The following SLC25A48 variants were observed in gnomAD, a reference collection of about 807,000 sequenced individuals.
SLC25A48 encodes the protein CTC-321K16.1.
Under a neutral mutation model 32.2 loss-of-function variants are expected in SLC25A48, and 29 were observed. The ratio of observed to expected loss-of-function variants is 0.90; its 90% CI spans 0.67 to 1.23. SLC25A48 has a LOEUF of 1.23. Ranked by LOEUF, SLC25A48 falls within the 50% of genes most tolerant of loss-of-function variation. The pLI is 0.00. For missense variants in SLC25A48, 399 were observed against 422.7 expected (o/e 0.94, Z 0.49); for synonymous variants, 164 against 172.3 (o/e 0.95, Z 0.38).
chr5:135,834,390 T>C (rs1018717728), upstream of SLC25A48, among the ~76,000 whole-genome samples: 5 of 152,218 alleles, frequency 3.3e-5, no homozygotes, highest in Non-Finnish European at 7.3e-5. Context: ...AGTCCACAGC[T>C]GATTGGAATC....
Position 135,737,097 on chromosome 5 carries a change from C to T in SLC25A48, c.-520-75426C>T, listed in dbSNP as rs112985140. Among the ~76,000 whole-genome samples the T allele has an allele frequency of 4.6e-5, 7 of 152,174 alleles. No homozygotes were observed. In the East Asian group the frequency reaches 7.7e-4, roughly 17 times the overall value. ...GAGTCACAGCACCAAATTTCACTCA[C>T]GTCCGTGTGAAGAGACCACCAAACA... On this transcript the variant is annotated intron_variant, in intron 3 of 10. Coordinates refer to the SLC25A48 transcript ENST00000646290.
At chr5:135,813,313 T>A (rs1294378794) in intron 4 of SLC25A48, among the ~76,000 whole-genome samples, 2 of 151,134 alleles carry the variant, frequency 1.3e-5, no homozygotes, top group Admixed American at 6.6e-5. Flanking sequence ...GTTGGGGGAG[T>A]GTTGAAAGTT....
At chr5:135,656,741 G>A (rs1035532513) in intron 3 of SLC25A48, among the ~76,000 whole-genome samples, 11 of 152,134 alleles carry the variant, frequency 7.2e-5, no homozygotes, top group Admixed American at 5.9e-4. Context: ...CAGGGAGAAG[G>A]CCATGTGATA....
At chr5:135,829,450 G>A (rs1352904470) in intron 4 of SLC25A48, among the ~76,000 whole-genome samples, 3 of 152,176 alleles carry the variant, frequency 2.0e-5, no homozygotes, top group Non-Finnish European at 4.4e-5. Context: ...AAGCACATAT[G>A]ATTTTCAAGC....
intron 4 of SLC25A48, chr5:135,826,592 G>A (rs1024775902): frequency 6.6e-6 from 1 of 152,214 alleles, no homozygotes. Context: ...ATGCTTTGGA[G>A]TAATACTTGC....
chr5:135,853,900 A>G (rs577741470), intron 4 of SLC25A48, among the ~76,000 whole-genome samples: 1 of 152,324 alleles, frequency 6.6e-6, no homozygotes, highest in African/African-American at 2.4e-5. Context: ...CTTAAGTAAC[A>G]AGACTTGGAA....
intron 1 of SLC25A48, 32 bp downstream of exon 1, chr5:135,834,925 A>G: frequency 6.3e-7 from 1 of 1,592,600 alleles, no homozygotes. Flanking sequence ...CCCCGGTCAG[A>G]GAGAGCGAGC....
intron 1 of SLC25A48, among the ~76,000 whole-genome samples, chr5:135,596,861 G>A (rs1357202687): frequency 6.6e-6 from 1 of 152,160 alleles, no homozygotes; most frequent in African/African-American, 2.4e-5. Flanking sequence ...AGACAGTTCT[G>A]CTTTAATGTG....
chr5:135,886,570 T>C (rs1762719502), intron 7 of SLC25A48, among the ~76,000 whole-genome samples: 1 of 130,726 alleles, frequency 7.6e-6, no homozygotes, highest in Admixed American at 8.2e-5. Flanking sequence ...ATCAACACAT[T>C]ATGGTTCTAT....
chr5:135,583,342 G>A (rs1040399229), intron 1 of SLC25A48, among the ~76,000 whole-genome samples: 6 of 152,068 alleles, frequency 3.9e-5, no homozygotes, highest in African/African-American at 1.4e-4. Flanking sequence ...AATCCCACAG[G>A]TGTCTGGGCA....
At chr5:135,755,631 T>C (rs1379417149) in intron 3 of SLC25A48, among the ~76,000 whole-genome samples, 1 of 152,056 alleles carries the variant, frequency 6.6e-6, no homozygotes, top group African/African-American at 2.4e-5. Context: ...TAATGAAATA[T>C]CGCTGTGATA....
At chr5:135,803,403 A>G (rs1757380882) in intron 3 of SLC25A48, among the ~76,000 whole-genome samples, 1 of 151,684 alleles carries the variant, frequency 6.6e-6, no homozygotes, top group African/African-American at 2.4e-5. Context: ...CTAGGGATAT[A>G]TTACTCCTAA....
intron 2 of SLC25A48, among the ~76,000 whole-genome samples, chr5:135,844,455 A>G (rs963749621): frequency 6.6e-6 from 1 of 152,130 alleles, no homozygotes; most frequent in Non-Finnish European, 1.5e-5. Context: ...AGTTCACAAG[A>G]ATGGATCAGT....
intron 3 of SLC25A48, among the ~76,000 whole-genome samples, chr5:135,667,167 C>T (rs2126938897): frequency 6.6e-6 from 1 of 152,220 alleles, no homozygotes; most frequent in East Asian, 1.9e-4. Flanking sequence ...CCTGTGCTGC[C>T]CTTGCCTCTG....
chr5:135,600,012 C>G (rs548123236), intron 1 of SLC25A48, among the ~76,000 whole-genome samples: 6 of 152,308 alleles, frequency 3.9e-5, no homozygotes, highest in South Asian at 4.2e-4. Context: ...CATACTCCCC[C>G]CTCCCTTGGC....
chr5:135,860,075 A>G (rs11746973), intron 4 of SLC25A48, among the ~76,000 whole-genome samples: 1 of 152,204 alleles, frequency 6.6e-6, no homozygotes, highest in Non-Finnish European at 1.5e-5. Flanking sequence ...CATTTAAAGT[A>G]TAAACTAAAT....
intron 3 of SLC25A48, among the ~76,000 whole-genome samples, chr5:135,704,688 T>G (rs1315455427): frequency 2.0e-5 from 3 of 152,242 alleles, no homozygotes; most frequent in Non-Finnish European, 2.9e-5. Context: ...ATATTATTAT[T>G]ATTCCCATTT....
At chr5:135,811,149 C>T (rs1757582114) in intron 3 of SLC25A48, among the ~76,000 whole-genome samples, 1 of 152,166 alleles carries the variant, frequency 6.6e-6, no homozygotes, top group South Asian at 2.1e-4. Flanking sequence ...GACTTCCAAA[C>T]CCATGAAATG....
chr5:135,600,311 C>T (rs533826155), intron 1 of SLC25A48, among the ~76,000 whole-genome samples: 2 of 152,250 alleles, frequency 1.3e-5, no homozygotes, highest in South Asian at 2.1e-4. Flanking sequence ...CCTACATTCT[C>T]GGCTGCTCAC....
Sources: gnomAD v4.1 joint callset for allele counts (sites outside exome capture counted in the v4.1 genomes callset) on GRCh38, gnomAD v4.1.1 for gene constraint, MANE v1.5 for transcripts, NCBI Gene and HGNC (gene_info 2026-07-23, HGNC 2026-07-21) for gene names.